ATF3: variants seen among roughly 807,000 people sequenced by gnomAD.
ATF3 encodes the protein activating transcription factor 3.
ATF3 carries 10 observed loss-of-function variants against 18.4 expected under a neutral mutation model. That is an observed-to-expected ratio of 0.54 (90% CI 0.34 to 0.92). ATF3 has a LOEUF of 0.92. ATF3 is among the 40% of genes least tolerant of loss of function. ATF3 has a pLI of 0.02. For synonymous variants in ATF3, 78 were observed against 87.9 expected, an observed-to-expected ratio of 0.89 and a Z score of 0.63; for missense variants, 183 against 222.3, an observed-to-expected ratio of 0.82 and a Z score of 1.12.
At position 212,618,990 on chromosome 1, in the gene ATF3, T is replaced by G; in HGVS notation, c.349-368T>G. 6.2e-7 allele frequency: 1 copy of G among 1,609,192 alleles called. No homozygotes were observed. On this transcript the variant is annotated intron_variant, in intron 3 of 3. Transcript: ENST00000341491. This position sits in a 1 kb window ranked among gnomAD's most constrained non-coding sequence, Gnocchi z 4.4. ...TTTTTCTGGGGAGATGAGCTTCTCA[T>G]TGAGATCTGTGACTCAGAATCGACT...
chr1:212,571,162 G>C (rs1175017558), intron 1 of ATF3, among the ~76,000 whole-genome samples: 1 of 152,122 alleles, frequency 6.6e-6, no homozygotes, highest in East Asian at 1.9e-4. Context: ...CCATTCTGTT[G>C]GGTGTGCAGT....
At chr1:212,590,936 T>G (rs1172828588) in intron 1 of ATF3, among the ~76,000 whole-genome samples, 1 of 152,248 alleles carries the variant, frequency 6.6e-6, no homozygotes, top group Non-Finnish European at 1.5e-5. Context: ...CTTTATCATG[T>G]GCCTGGTTTC....
intron 1 of ATF3, among the ~76,000 whole-genome samples, chr1:212,583,203 T>C (rs1664716652): frequency 6.6e-6 from 1 of 152,166 alleles, no homozygotes; most frequent in Admixed American, 6.5e-5. Flanking sequence ...TTTAGCTGTG[T>C]GACTTTGTTA....
chr1:212,611,556 C>A (rs538522382), intron 1 of ATF3, among the ~76,000 whole-genome samples: 2 of 152,206 alleles, frequency 1.3e-5, no homozygotes, highest in East Asian at 3.8e-4. Context: ...AACATTGTCT[C>A]TGGCCCTTGA....
chr1:212,578,897 G>A (rs1461115189), intron 1 of ATF3, among the ~76,000 whole-genome samples: 1 of 151,924 alleles, frequency 6.6e-6, no homozygotes, highest in Non-Finnish European at 1.5e-5. Context: ...TAGGGACAGA[G>A]CAGACCCAGG....
chr1:212,568,348 T>C (rs1255861271), intron 1 of ATF3, among the ~76,000 whole-genome samples: 1 of 152,240 alleles, frequency 6.6e-6, no homozygotes, highest in Non-Finnish European at 1.5e-5. Flanking sequence ...ATGTCTTTAA[T>C]GACCAACACA....
At chr1:212,583,806 A>G (rs1002858065) in intron 1 of ATF3, among the ~76,000 whole-genome samples, 2 of 151,828 alleles carry the variant, frequency 1.3e-5, no homozygotes, top group Non-Finnish European at 2.9e-5. Flanking sequence ...GAATAACAAC[A>G]CTCCCGCTGG....
At chr1:212,575,159 T>C (rs10158476) in intron 1 of ATF3, among the ~76,000 whole-genome samples, 13,196 of 152,200 alleles carry the variant, frequency 0.087, 1,257 homozygotes, top group African/African-American at 0.24. Context: ...TTTATATTAC[T>C]GAGTACTGTA....
chr1:212,587,170 A>T (rs1002659186), intron 1 of ATF3, among the ~76,000 whole-genome samples: 10 of 152,242 alleles, frequency 6.6e-5, no homozygotes, highest in Admixed American at 2.6e-4. Context: ...AATAGAGGAA[A>T]GTGATGTATT....
intron 1 of ATF3, among the ~76,000 whole-genome samples, chr1:212,583,798 A>G (rs1216820491): frequency 1.3e-5 from 2 of 152,224 alleles, no homozygotes; most frequent in African/African-American, 4.8e-5. Flanking sequence ...TAATCGGAGA[A>G]TAACAACACT....
At chr1:212,609,377 G>GA (rs1280008854) in intron 1 of ATF3, among the ~76,000 whole-genome samples, 2 of 80,332 alleles carry the variant, frequency 2.5e-5, no homozygotes, top group Non-Finnish European at 5.2e-5. Context: ...TTCCCGGGTG[G>GA]GGGGGGGGGG....
At chr1:212,606,964 G>A (rs1314952557), upstream of ATF3, among the ~76,000 whole-genome samples, 2 of 152,110 alleles carry the variant, frequency 1.3e-5, no homozygotes, top group Non-Finnish European at 1.5e-5. Context: ...AGGGCGAAAA[G>A]TAAAGCGAAA....
upstream of ATF3, among the ~76,000 whole-genome samples, chr1:212,608,438 A>T (rs561805868): frequency 6.6e-6 from 1 of 152,128 alleles, no homozygotes; most frequent in Non-Finnish European, 1.5e-5. Context: ...AGCAGCGAGT[A>T]CGCACATCTG....
chr1:212,585,643 T>C (rs1664766493), intron 1 of ATF3, among the ~76,000 whole-genome samples: 1 of 152,162 alleles, frequency 6.6e-6, no homozygotes, highest in Non-Finnish European at 1.5e-5. Context: ...CGATTATATT[T>C]TGTAATTCTT....
intron 1 of ATF3, among the ~76,000 whole-genome samples, chr1:212,571,860 C>T (rs1170115369): frequency 6.6e-6 from 1 of 151,916 alleles, no homozygotes; most frequent in Non-Finnish European, 1.5e-5. Context: ...TGCAGGAGCC[C>T]GCCACCAGGC....
At position 212,583,717 on chromosome 1, in the gene ATF3, A is replaced by G. The variant is rs372862287; in HGVS notation, c.-5+18234A>G. ...CCTTCCCTAGCCAGCAGTGCAGGTTATAAGTCTGTAGAGTTTAGCCCCTCA... is the reference window on the plus strand; with the variant it reads ...CCTTCCCTAGCCAGCAGTGCAGGTTGTAAGTCTGTAGAGTTTAGCCCCTCA... On this transcript the variant is annotated intron_variant, in intron 1 of 3. Coordinates refer to the ATF3 transcript ENST00000366981. Among the ~76,000 whole-genome samples, 38 of 152,296 alleles carry G rather than the reference A, an allele frequency of 2.5e-4. 1 individual carries two copies. In the South Asian group the frequency reaches 7.9e-3, roughly 32 times the overall value.
rs1446388774 is a variant in ATF3, at chr1:212,615,144, C to T, written c.123C>T (p.Val41=). Residue 41 remains valine, a synonymous_variant, in exon 2 of 4, where the codon GTC becomes GTT. Transcript: ENST00000341491. ...FEDFANLTPF[V]KEELRFAIQN... ...ATTTTGCTAACCTGACGCCCTTTGT[C>T]AAGGAAGAGCTGAGGTTTGCCATCC... 1 of 1,614,214 alleles carries T rather than the reference C, an allele frequency of 6.2e-7. No individual in the cohort carries two copies. The highest frequency in any genetic ancestry group is 8.5e-7 in the Non-Finnish European group (1 of 1,180,036).
At chr1:212,611,568 G>A (rs1333836462) in intron 1 of ATF3, among the ~76,000 whole-genome samples, 1 of 152,192 alleles carries the variant, frequency 6.6e-6, no homozygotes, top group Non-Finnish European at 1.5e-5. Flanking sequence ...GGCCCTTGAT[G>A]CCCAGCTTTG....
intron 1 of ATF3, among the ~76,000 whole-genome samples, chr1:212,596,826 A>G (rs1478640200): frequency 6.6e-6 from 1 of 152,236 alleles, no homozygotes; most frequent in Non-Finnish European, 1.5e-5. Context: ...CTGAATTGAG[A>G]ATCTCTTTGA....
Sources: gnomAD v4.1 joint callset for allele counts (sites outside exome capture counted in the v4.1 genomes callset) on GRCh38, gnomAD v4.1.1 for gene constraint, Gnocchi (gnomAD v3.1) non-coding constraint, MANE v1.5 for transcripts, NCBI Gene and HGNC (gene_info 2026-07-23, HGNC 2026-07-21) for gene names.